The following ZNF711 variants were observed in gnomAD, a reference collection of about 807,000 sequenced individuals.
The protein encoded by ZNF711 is zinc finger protein 711.
In ZNF711, 3 loss-of-function variants were observed where a neutral mutation model predicts 43.5. The observed-to-expected ratio is 0.07, with a 90% CI of 0.03 to 0.18. The LOEUF (loss-of-function observed/expected upper bound fraction) is 0.18. Ranked by LOEUF, ZNF711 falls within the 10% of genes least tolerant of loss-of-function variation. The pLI is 1.00. For synonymous variants in ZNF711, 209 were observed against 207.7 expected (o/e 1.01, Z -0.06); for missense variants, 412 against 604.0 (o/e 0.68, Z 3.33).
Position 85,255,632 on chromosome X carries a change from A to C in ZNF711, c.453A>C (p.Gly151=), listed in dbSNP as rs139906124. ...LEHVVQDCVS[G]VDSPTMVSEE... Reference sequence around the variant, plus strand: ...ATGTGGTCCAAGATTGTGTTTCAGGAGTCGACTCTCCCACAATGGTATCAG... The same window carrying C: ...ATGTGGTCCAAGATTGTGTTTCAGGCGTCGACTCTCCCACAATGGTATCAG... The change falls in exon 5 of 11, where the codon GGA becomes GGC. Residue 151 remains glycine (G), a synonymous_variant. Transcript: ENST00000674551. 207 of 1,209,689 alleles carry C rather than the reference A, an allele frequency of 1.7e-4. No individual in the cohort carries two copies. The African/African-American group carries it at 3.5e-3, about 20-fold the overall frequency.
chrX:85,254,710 A>G (rs1428915013), intron 4 of ZNF711, among the ~76,000 whole-genome samples: 1 of 93,275 alleles, frequency 1.1e-5, no homozygotes, highest in African/African-American at 3.9e-5. Context: ...GCTGAGGCAG[A>G]AGAATGGCGT....
At chrX:85,256,392 C>T (rs1183470781) in intron 5 of ZNF711, among the ~76,000 whole-genome samples, 1 of 111,139 alleles carries the variant, frequency 9.0e-6, no homozygotes, top group Non-Finnish European at 1.9e-5. Context: ...CTATCCGAAG[C>T]GGGAAGATAG....
chrX:85,269,978 A>C, intron 9 of ZNF711, 25 bp from the exon 10 acceptor site: 1 of 1,206,803 alleles, frequency 8.3e-7, no homozygotes, highest in Non-Finnish European at 1.1e-6. Flanking sequence ...ATGTGATTTA[A>C]TGATGTTTCA....
At chrX:85,260,591 C>A in intron 5 of ZNF711, among the ~76,000 whole-genome samples, 1 of 65,893 alleles carries the variant, frequency 1.5e-5, no homozygotes, top group Admixed American at 1.9e-4. Flanking sequence ...AAACCCTATA[C>A]CCTTTAGCTG....
At chrX:85,254,341 A>G (rs781349453) in intron 4 of ZNF711, among the ~76,000 whole-genome samples, 1,593 of 73,955 alleles carry the variant, frequency 0.022, 38 homozygotes, top group African/African-American at 0.05. Flanking sequence ...GCGGTGGCTC[A>G]CGCCTGTAAT....
intron 10 of ZNF711, 134 bp downstream of exon 10, chrX:85,270,280 GT>G (rs200962174): frequency 0.14 from 56,541 of 411,355 alleles, 429 homozygotes; most frequent in African/African-American, 0.22. Context: ...ATAGATAATT[GT>G]TTTTTTTTTT....
At chrX:85,259,866 G>C (rs769137601) in intron 5 of ZNF711, among the ~76,000 whole-genome samples, 1 of 110,962 alleles carries the variant, frequency 9.0e-6, no homozygotes, top group East Asian at 2.8e-4. Context: ...TTACTGTTTG[G>C]ATGTCTTTTA....
At chrX:85,259,264 G>A (rs1035729833) in intron 5 of ZNF711, among the ~76,000 whole-genome samples, 25 of 111,211 alleles carry the variant, frequency 2.2e-4, no homozygotes, top group Non-Finnish European at 3.0e-4. Context: ...TGGTCTATGT[G>A]TTTGTTTTTG....
At chrX:85,258,412 T>C (rs1930361283) in intron 5 of ZNF711, among the ~76,000 whole-genome samples, 2 of 110,643 alleles carry the variant, frequency 1.8e-5, no homozygotes, top group Admixed American at 9.7e-5. Flanking sequence ...AGAGTAAACA[T>C]TGGGTACAGT....
chrX:85,265,282 C>T (rs193139581), intron 7 of ZNF711, 27 bp downstream of exon 7: 2 of 1,194,295 alleles, frequency 1.7e-6, no homozygotes, highest in East Asian at 6.0e-5. Context: ...ACTGTAGTGA[C>T]TTATCAGTAG....
In ZNF711 at chrX:85,270,004, A is replaced by T. The variant is rs1931438159; in HGVS notation, c.1104A>T (p.Gly368=). Residue 368 remains glycine (G), a splice_region_variant and synonymous_variant, in exon 10 of 11, where the codon GGA becomes GGT. Transcript: ENST00000674551. ...SRRYEDCQAS[G]NTLDSALESR... Reference sequence around the variant, plus strand: ...TGATGTTTCAATTTTTTTTTCCAGGAAATACTTTGGACTCAGCATTAGAAA... The same window carrying T: ...TGATGTTTCAATTTTTTTTTCCAGGTAATACTTTGGACTCAGCATTAGAAA... The T allele has an allele frequency of 8.3e-6, 10 of 1,210,070 alleles. No homozygotes were observed. Among genetic ancestry groups the T allele is most frequent in the Non-Finnish European group, 1.1e-5 (10 of 894,524 alleles).
rs1302910951 is a variant in ZNF711 at position 85,255,477 on chromosome X, A to G, written c.298A>G (p.Ile100Val). ...PEAVLEADVA[I>V]EEDLEEDDGD... is the part of the protein sequence containing the mutation. ...AGCGGTACTTGAAGCTGATGTTGCC[A>G]TTGAAGAGGATTTAGAGGAAGATGA... Residue 100 changes from isoleucine to valine, a missense_variant, in exon 5 of 11, where the codon ATT becomes GTT. Ile to Val is a conservative substitution (Grantham distance 29). Transcript: ENST00000674551. 8.3e-7 allele frequency: 1 copy of G among 1,209,920 alleles called. No individual in the cohort carries two copies. Among genetic ancestry groups the G allele is most frequent in the East Asian group, 3.0e-5 (1 of 33,757 alleles).
At position 85,271,756 on chromosome X, in the gene ZNF711, C is replaced by T. The variant is rs774873130; in HGVS notation, c.2352C>T (p.Cys784=). 1.1e-4 allele frequency: 130 copies of T among 1,209,085 alleles called. No individual in the cohort carries two copies. The highest frequency in any genetic ancestry group is 1.4e-4 in the Non-Finnish European group (128 of 894,650). ...ACTATCCACACAGGTGTGAATTCTG[C>T]AAGAAGGGATTCCGAAGACCATCAG... The part of the protein sequence containing the change: ...TKDYPHRCEF[C]KKGFRRPSEK... Residue 784 remains cysteine, a synonymous_variant, in exon 11 of 11, where the codon TGC becomes TGT. Transcript: ENST00000674551.
chrX:85,259,194 C>T (rs766047318), intron 5 of ZNF711, among the ~76,000 whole-genome samples: 1 of 110,703 alleles, frequency 9.0e-6, no homozygotes, highest in African/African-American at 3.3e-5. Flanking sequence ...GTTGATTTTG[C>T]CAAAGATTAG....
At chrX:85,246,899 A>C in intron 2 of ZNF711, 31 bp from the exon 3 acceptor site, 1 of 296,996 alleles carries the variant, frequency 3.4e-6, no homozygotes, top group East Asian at 4.8e-5. Context: ...AAATGTTTGT[A>C]TGTGATCGAT....
At chrX:85,254,669 G>A (rs1929932174) in intron 4 of ZNF711, among the ~76,000 whole-genome samples, 1 of 91,505 alleles carries the variant, frequency 1.1e-5, no homozygotes, top group African/African-American at 4.2e-5. Flanking sequence ...GGGCGCAGTG[G>A]CGGGCGCCTG....
chrX:85,255,125 G>T, intron 4 of ZNF711, 134 bp from the exon 5 acceptor site: 1 of 655,476 alleles, frequency 1.5e-6, no homozygotes. Context: ...AATTGTCAAT[G>T]ATTTTAAAAA....
At chrX:85,255,971 AATTT>A (rs1249676947) in intron 5 of ZNF711, among the ~76,000 whole-genome samples, 170 bp downstream of exon 5, 2 of 111,738 alleles carry the variant, frequency 1.8e-5, no homozygotes, top group Non-Finnish European at 3.8e-5. Context: ...TGATGTTTTT[AATTT>A]ATTCAATGAA....
chrX:85,257,516 G>A (rs763447124), intron 5 of ZNF711, among the ~76,000 whole-genome samples: 131 of 111,968 alleles, frequency 1.2e-3, no homozygotes, highest in African/African-American at 4.0e-3. Context: ...CTTTTCTTAC[G>A]GCTGTGTAGT....
Sources: allele counts gnomAD v4.1 joint callset (sites outside exome capture counted in the v4.1 genomes callset), GRCh38; gene constraint gnomAD v4.1.1; transcripts MANE v1.5; gene names NCBI Gene and HGNC (gene_info 2026-07-23, HGNC 2026-07-21).